Variants in APBA2 observed in about 807,000 individuals in gnomAD.
APBA2 encodes the protein amyloid-beta A4 precursor protein-binding family A member 2.
Under a neutral mutation model 75.0 loss-of-function variants are expected in APBA2, and 30 were observed. The observed-to-expected ratio is 0.40, with a 90% CI of 0.30 to 0.54. APBA2 has a LOEUF of 0.54. Ranked by LOEUF, APBA2 falls within the 20% of genes least tolerant of loss-of-function variation. APBA2 has a pLI of 0.49. For synonymous variants in APBA2, 444 were observed against 409.6 expected (o/e 1.08, Z -1.01); for missense variants, 801 against 1,016.1 (o/e 0.79, Z 2.88).
At chr15:28,926,855 C>CT (rs201502989) in intron 2 of APBA2, among the ~76,000 whole-genome samples, 23,867 of 135,492 alleles carry the variant, frequency 0.18, 3,451 homozygotes, top group African/African-American at 0.37. Flanking sequence ...CTCTCTCTCT[C>CT]TCTTTTTTTT....
chr15:29,005,837 C>T (rs1315874760), intron 3 of APBA2, among the ~76,000 whole-genome samples: 1 of 151,892 alleles, frequency 6.6e-6, no homozygotes, highest in Non-Finnish European at 1.5e-5. Flanking sequence ...GCACTCCAAC[C>T]TGGGCAACAG....
At chr15:29,097,980 T>C (rs4779767) in intron 8 of APBA2, among the ~76,000 whole-genome samples, 136,999 of 152,240 alleles carry the variant, frequency 0.9, 62,947 homozygotes, top group Non-Finnish European at 0.99. Context: ...GGAAATGACA[T>C]GGCTTTTTCT....
intron 2 of APBA2, among the ~76,000 whole-genome samples, chr15:28,939,561 T>G (rs2035070924): frequency 1.3e-5 from 2 of 152,198 alleles, no homozygotes; most frequent in Non-Finnish European, 2.9e-5. Flanking sequence ...TTCTTCTTCC[T>G]TTTTTAAATG....
At chr15:29,047,342 A>T (rs1347888187) in intron 3 of APBA2, among the ~76,000 whole-genome samples, 1 of 152,210 alleles carries the variant, frequency 6.6e-6, no homozygotes, top group African/African-American at 2.4e-5. Flanking sequence ...AAGAGCTGCC[A>T]TTAGCCAGCG....
intron 2 of APBA2, among the ~76,000 whole-genome samples, chr15:28,966,917 A>G (rs760712325): frequency 3.3e-5 from 5 of 152,120 alleles, no homozygotes; most frequent in Non-Finnish European, 5.9e-5. Context: ...TACCCTCACT[A>G]CTTTTTAAAT....
At chr15:28,893,172 G>T (rs1171219866) in intron 1 of APBA2, among the ~76,000 whole-genome samples, 1 of 152,206 alleles carries the variant, frequency 6.6e-6, no homozygotes, top group Non-Finnish European at 1.5e-5. Context: ...CTCAGAGTTT[G>T]TCTTGACTCA....
chr15:28,957,313 GAT>G (rs2036226133), intron 2 of APBA2, among the ~76,000 whole-genome samples: 1 of 152,026 alleles, frequency 6.6e-6, no homozygotes, highest in Non-Finnish European at 1.5e-5. Flanking sequence ...CTGACCTCGT[GAT>G]CCGCCCGCCT....
intron 1 of APBA2, among the ~76,000 whole-genome samples, chr15:28,914,754 A>T (rs2033587648): frequency 6.6e-6 from 1 of 151,900 alleles, no homozygotes; most frequent in South Asian, 2.1e-4. Context: ...GGAGATGGGG[A>T]CACAGCTCGT....
At chr15:28,976,441 A>G (rs924262306) in intron 2 of APBA2, among the ~76,000 whole-genome samples, 4 of 152,234 alleles carry the variant, frequency 2.6e-5, no homozygotes, top group Non-Finnish European at 5.9e-5. Flanking sequence ...ATGGTCCACC[A>G]TGAGGTGTGG....
At chr15:29,090,991 A>T (rs930229471) in intron 6 of APBA2, among the ~76,000 whole-genome samples, 1 of 152,106 alleles carries the variant, frequency 6.6e-6, no homozygotes, top group Non-Finnish European at 1.5e-5. Context: ...GCGCCAGGGT[A>T]TGGTGGGGGT....
intron 3 of APBA2, among the ~76,000 whole-genome samples, chr15:29,053,581 G>A (rs2041712182): frequency 6.6e-6 from 1 of 152,116 alleles, no homozygotes; most frequent in Non-Finnish European, 1.5e-5. Context: ...TAGGTTCCTG[G>A]GGAGAGGCGT....
At chr15:29,037,966 T>C (rs1566933373) in intron 3 of APBA2, among the ~76,000 whole-genome samples, 1 of 152,276 alleles carries the variant, frequency 6.6e-6, no homozygotes, top group African/African-American at 2.4e-5. Flanking sequence ...AATACTGTTA[T>C]AATGGCAATC....
At chr15:28,887,533 AGGG>A (rs949758559) in intron 1 of APBA2, among the ~76,000 whole-genome samples, 1 of 152,048 alleles carries the variant, frequency 6.6e-6, no homozygotes, top group African/African-American at 2.4e-5. Flanking sequence ...GCCACTACGC[AGGG>A]GACAGGATCT....
intron 2 of APBA2, among the ~76,000 whole-genome samples, chr15:28,930,444 C>G (rs566932345): frequency 6.6e-6 from 1 of 152,142 alleles, no homozygotes; most frequent in Non-Finnish European, 1.5e-5. Flanking sequence ...ATAGAAGGTT[C>G]TTTGGTTACT....
At chr15:28,891,208 C>T (rs1326743854) in intron 1 of APBA2, among the ~76,000 whole-genome samples, 3 of 152,118 alleles carry the variant, frequency 2.0e-5, no homozygotes, top group African/African-American at 4.8e-5. Flanking sequence ...AATAATTTCC[C>T]GACAAATCTG....
intron 8 of APBA2, among the ~76,000 whole-genome samples, chr15:29,096,330 G>T (rs1441329480): frequency 1.3e-5 from 2 of 152,132 alleles, no homozygotes; most frequent in Non-Finnish European, 2.9e-5. Flanking sequence ...TCCACTGGAG[G>T]CTGGGTGGCT....
chr15:29,090,859 C>T lies in APBA2; in HGVS notation c.1070-2216C>T, dbSNP rs906057990. The stretch of plus-strand genomic sequence containing the variant: ...CAGGCGCTGGGAGCCTTCCCAGCCC[C>T]ACAGCCAGATGCCATAAAAGGCAGC... On this transcript the variant is annotated intron_variant, in intron 6 of 14. Transcript: ENST00000683413. Among the ~76,000 whole-genome samples, 3 of 152,240 alleles carry T rather than the reference C, an allele frequency of 2.0e-5. No individual in the cohort carries two copies. The South Asian group carries it at 6.2e-4, about 32-fold the overall frequency.
intron 2 of APBA2, among the ~76,000 whole-genome samples, chr15:28,967,701 G>A (rs2152746631): frequency 6.6e-6 from 1 of 152,274 alleles, no homozygotes; most frequent in Admixed American, 6.5e-5. Flanking sequence ...GCCTCCCAAA[G>A]TGCTAGGATT....
intron 6 of APBA2, among the ~76,000 whole-genome samples, chr15:29,092,532 G>A (rs973683690): frequency 2.0e-5 from 3 of 152,102 alleles, no homozygotes; most frequent in African/African-American, 7.2e-5. Flanking sequence ...GGGTCACGAT[G>A]GTCTAGGGGC....
Sources: gnomAD v4.1 joint callset for allele counts (sites outside exome capture counted in the v4.1 genomes callset) on GRCh38, gnomAD v4.1.1 for gene constraint, MANE v1.5 for transcripts, NCBI Gene and HGNC (gene_info 2026-07-23, HGNC 2026-07-21) for gene names.